WDR20: variants seen among roughly 807,000 people sequenced by gnomAD.
WDR20 encodes the protein WD repeat-containing protein 20.
Under a neutral mutation model 38.7 loss-of-function variants are expected in WDR20, and 3 were observed. The observed-to-expected ratio is 0.08, with a 90% CI of 0.04 to 0.20. The LOEUF is 0.20. WDR20 is among the 10% of genes least tolerant of loss of function. The pLI is 1.00. For missense variants in WDR20, 559 were observed against 727.7 expected (o/e 0.77, Z 2.67); for synonymous variants, 298 against 285.6 (o/e 1.04, Z -0.44).
At chr14:102,160,420 T>TAC (rs1453228786) in intron 1 of WDR20, among the ~76,000 whole-genome samples, 1 of 152,142 alleles carries the variant, frequency 6.6e-6, no homozygotes, top group Admixed American at 6.5e-5. Context: ...CTTTTGTTGT[T>TAC]ACACGAATAA....
At chr14:102,161,511 G>A (rs1158835933) in intron 1 of WDR20, among the ~76,000 whole-genome samples, 1 of 151,754 alleles carries the variant, frequency 6.6e-6, no homozygotes, top group African/African-American at 2.4e-5. Context: ...ACAGGGTTTC[G>A]CCATATTGCC....
At chr14:102,146,152 T>TTTTGTTTG (rs58505129) in intron 1 of WDR20, among the ~76,000 whole-genome samples, 8 of 151,826 alleles carry the variant, frequency 5.3e-5, no homozygotes, top group African/African-American at 1.5e-4. Flanking sequence ...GGAAGAGTTT[T>TTTTGTTTG]TTTGTTTGTT....
At chr14:102,168,843 G>C (rs1190570) in intron 1 of WDR20, among the ~76,000 whole-genome samples, 151,248 of 152,258 alleles carry the variant, frequency 0.99, 75,126 homozygotes, top group Middle Eastern at 1. Flanking sequence ...TAAGGAAGCA[G>C]CGTCTCTCAC....
chr14:102,199,452 A>T (rs2152964926), intron 2 of WDR20, among the ~76,000 whole-genome samples: 1 of 152,158 alleles, frequency 6.6e-6, no homozygotes, highest in East Asian at 1.9e-4. Flanking sequence ...TTTGAAATAC[A>T]AATAATTAAT....
chr14:102,150,549 T>A (rs1431417167), intron 1 of WDR20, among the ~76,000 whole-genome samples: 1 of 152,216 alleles, frequency 6.6e-6, no homozygotes, highest in Admixed American at 6.5e-5. Context: ...TGCTCTGCCA[T>A]GAAGCTGTTT....
At chr14:102,217,082 T>A (rs1333735793), downstream of WDR20, among the ~76,000 whole-genome samples, 1 of 152,048 alleles carries the variant, frequency 6.6e-6, no homozygotes, top group East Asian at 1.9e-4. Context: ...AAAACCAGCC[T>A]CCCCTTTTAG....
chr14:102,164,137 C>T (rs2059315747), intron 1 of WDR20, among the ~76,000 whole-genome samples: 1 of 151,728 alleles, frequency 6.6e-6, no homozygotes, highest in African/African-American at 2.4e-5. Context: ...ACTGGAAGTG[C>T]CACATTAGAC....
At chr14:102,189,799 A>C (rs996935691) in intron 1 of WDR20, among the ~76,000 whole-genome samples, 1 of 152,210 alleles carries the variant, frequency 6.6e-6, no homozygotes, top group Non-Finnish European at 1.5e-5. Context: ...AAGAGTTTTT[A>C]TTATAATTTT....
At chr14:102,191,775 G>C (rs988334716) in intron 1 of WDR20, among the ~76,000 whole-genome samples, 1 of 152,152 alleles carries the variant, frequency 6.6e-6, no homozygotes, top group Non-Finnish European at 1.5e-5. Flanking sequence ...AGTGACCTTA[G>C]GTGAGAGAGA....
At chr14:102,212,516 ACAGCCGGCAGAGCACTT>A, downstream of WDR20, 1 of 1,535,878 alleles carries the variant, frequency 6.5e-7, no homozygotes. Context: ...CCTTTCTTTG[ACAGCCGGCAGAGCACTT>A]CTGCAGGCAG....
At position 102,208,718 on chromosome 14, in the gene WDR20, G is replaced by A. The variant is rs1450692096; in HGVS notation, c.548G>A (p.Cys183Tyr). ...TACTTATATAATGTGGAGCACACTT[G>A]TGGCACCACAGCCCCCCACTACCAG... ...NMYLYNVEHTCGTTAPHYQLL... is the reference protein window; with the variant it reads ...NMYLYNVEHTYGTTAPHYQLL... The change falls in exon 3 of 3, where the codon TGT becomes TAT. Residue 183 changes from cysteine to tyrosine, a missense_variant. Transcript: ENST00000342702. The surrounding 1 kb of genome is among the most constrained non-coding windows in gnomAD (Gnocchi z 5.6). 1.2e-6 allele frequency: 2 copies of A among 1,614,186 alleles called. No homozygotes were observed. The highest frequency in any genetic ancestry group is 1.7e-6 in the Non-Finnish European group (2 of 1,180,040).
intron 1 of WDR20, among the ~76,000 whole-genome samples, chr14:102,184,398 G>C (rs2064080619): frequency 1.3e-5 from 2 of 152,208 alleles, no homozygotes; most frequent in Admixed American, 6.5e-5. Context: ...GATTGTAATA[G>C]CTAGCAGTTT....
intron 1 of WDR20, chr14:102,193,395 T>G: frequency 6.5e-7 from 1 of 1,537,062 alleles, no homozygotes; most frequent in Non-Finnish European, 9.0e-7. Flanking sequence ...CCTTTTGTTT[T>G]GTATCATGCT....
At chr14:102,200,466 TTTGTGTGTGTGTG>T (rs1259623319) in intron 2 of WDR20, among the ~76,000 whole-genome samples, 3 of 106,024 alleles carry the variant, frequency 2.8e-5, no homozygotes, top group African/African-American at 1.3e-4. Flanking sequence ...AATTTTTTTT[TTTGTGTGTGTGTG>T]TGTGTGTGTG....
At position 102,174,684 on chromosome 14, in the gene WDR20, G is replaced by T. The variant is rs532955267; in HGVS notation, c.250-20254G>T. On this transcript the variant is annotated intron_variant, in intron 1 of 2. Transcript: ENST00000342702. ...TCCACCCACCTTAGCCTCCCAAAGTGCTGGGACTACAGGCGTGAGCCACCA... is the reference window on the plus strand; with the variant it reads ...TCCACCCACCTTAGCCTCCCAAAGTTCTGGGACTACAGGCGTGAGCCACCA... 3.9e-5 allele frequency among the ~76,000 whole-genome samples: 6 copies of T among 152,278 alleles called. No individual in the cohort carries two copies. The East Asian group carries it at 7.7e-4, about 20-fold the overall frequency.
chr14:102,209,685 T>C lies in WDR20; in HGVS notation c.1515T>C (p.Pro505=), dbSNP rs199695106. The C allele has an allele frequency of 4.1e-5, 66 of 1,614,168 alleles. No individual in the cohort carries two copies. The East Asian group carries it at 1.4e-3, about 35-fold the overall frequency. The stretch of plus-strand genomic sequence containing the variant: ...TAGTTACCAAAACCAAAACGGACCC[T>C]GCTAAAACTCTGGGAACGCCCCTGT... The part of the protein sequence containing the change: ...LNLVTKTKTD[P]AKTLGTPLCP... Residue 505 remains proline, a synonymous_variant, in exon 3 of 3, where the codon CCT becomes CCC. Transcript: ENST00000342702. This position sits in a 1 kb window ranked among gnomAD's most constrained non-coding sequence, Gnocchi z 6.0.
intron 1 of WDR20, among the ~76,000 whole-genome samples, chr14:102,175,375 T>C (rs1248819039): frequency 6.6e-6 from 1 of 152,234 alleles, no homozygotes; most frequent in Non-Finnish European, 1.5e-5. Flanking sequence ...TTTGGGTTTA[T>C]TTCTGGATTC....
At chr14:102,165,932 A>AC (rs1555380781) in intron 1 of WDR20, among the ~76,000 whole-genome samples, 1 of 151,100 alleles carries the variant, frequency 6.6e-6, no homozygotes, top group Admixed American at 6.6e-5. Flanking sequence ...GAGCCACTGG[A>AC]CCAGGCCTAG....
Position 102,208,820 on chromosome 14 carries a change from C to T in WDR20, c.650C>T (p.Thr217Met). 7 of 1,614,232 alleles carry T rather than the reference C, an allele frequency of 4.3e-6. No individual in the cohort carries two copies. The highest frequency in any genetic ancestry group is 1.6e-4 in the Middle Eastern group (1 of 6,062). ...ACGAGGAACCCTCTCCTTAAGTGGACGGTGGGCGAGGGGGCCCTCAACGAG... is the reference window on the plus strand; with the variant it reads ...ACGAGGAACCCTCTCCTTAAGTGGATGGTGGGCGAGGGGGCCCTCAACGAG... ...KSTRNPLLKW[T>M]VGEGALNEFA... The change falls in exon 3 of 3, where the codon ACG becomes ATG. Residue 217 changes from threonine to methionine, a missense_variant. Transcript: ENST00000342702. This position sits in a 1 kb window ranked among gnomAD's most constrained non-coding sequence, Gnocchi z 5.6.
Sources: gnomAD v4.1 joint callset for allele counts (sites outside exome capture counted in the v4.1 genomes callset) on GRCh38, gnomAD v4.1.1 for gene constraint, Gnocchi (gnomAD v3.1) non-coding constraint, MANE v1.5 for transcripts, NCBI Gene and HGNC (gene_info 2026-07-23, HGNC 2026-07-21) for gene names.